TNIK: variants seen among roughly 807,000 people sequenced by gnomAD.
TNIK encodes TRAF2 and NCK-interacting protein kinase.
A neutral mutation model predicts 191.3 loss-of-function variants in TNIK; 49 were observed. The ratio of observed to expected loss-of-function variants is 0.26; its 90% CI spans 0.20 to 0.32. The LOEUF is 0.32. TNIK is among the 10% of genes least tolerant of loss of function. TNIK has a pLI of 1.00. For synonymous variants in TNIK, 594 were observed against 600.9 expected (o/e 0.99, Z 0.17); for missense variants, 1,155 against 1,702.3 (o/e 0.68, Z 5.66).
At chr3:171,272,127 C>A (rs752420795) in intron 2 of TNIK, among the ~76,000 whole-genome samples, 1 of 152,244 alleles carries the variant, frequency 6.6e-6, no homozygotes, top group Non-Finnish European at 1.5e-5. Flanking sequence ...GACAAACTAG[C>A]TTCCTCTGCT....
chr3:171,241,258 G>C (rs1377450118), intron 2 of TNIK, among the ~76,000 whole-genome samples: 1 of 151,926 alleles, frequency 6.6e-6, no homozygotes, highest in South Asian at 2.1e-4. Flanking sequence ...TCAAACTCCC[G>C]ACCTCAGGTG....
chr3:171,073,756 C>T (rs995711304), intron 28 of TNIK, among the ~76,000 whole-genome samples: 8 of 151,794 alleles, frequency 5.3e-5, no homozygotes, highest in Non-Finnish European at 1.0e-4. Flanking sequence ...TGAACAAATG[C>T]TCAATATCAC....
At chr3:171,300,814 CAT>C (rs1752801447) in intron 2 of TNIK, among the ~76,000 whole-genome samples, 2 of 152,258 alleles carry the variant, frequency 1.3e-5, no homozygotes, top group Admixed American at 1.3e-4. Context: ...GAATAGGACA[CAT>C]GTCTGTTCAA....
At chr3:171,309,163 T>C (rs900297699) in intron 2 of TNIK, among the ~76,000 whole-genome samples, 2 of 135,314 alleles carry the variant, frequency 1.5e-5, no homozygotes, top group African/African-American at 2.7e-5. Flanking sequence ...ATGCCCATCA[T>C]TGGTAGACTG....
At chr3:171,446,434 T>C (rs1421606064) in intron 1 of TNIK, among the ~76,000 whole-genome samples, 4 of 152,206 alleles carry the variant, frequency 2.6e-5, no homozygotes, top group Admixed American at 2.6e-4. Context: ...ATTTTTACCC[T>C]AGACATAAAT....
intron 3 of TNIK, among the ~76,000 whole-genome samples, chr3:171,225,098 C>T (rs1742807960): frequency 1.3e-5 from 2 of 152,200 alleles, no homozygotes; most frequent in South Asian, 4.2e-4. Flanking sequence ...CAAAGACGAC[C>T]TTTGAGAATT....
At chr3:171,144,523 A>G (rs538075546) in intron 12 of TNIK, among the ~76,000 whole-genome samples, 3 of 152,348 alleles carry the variant, frequency 2.0e-5, no homozygotes, top group Admixed American at 2.0e-4. Flanking sequence ...GGACATATTT[A>G]TGGGGTACAA....
chr3:171,455,427 G>C (rs534456619), intron 1 of TNIK, among the ~76,000 whole-genome samples: 117 of 148,608 alleles, frequency 7.9e-4, no homozygotes, highest in Admixed American at 5.4e-3. Context: ...TTTTTTTAGA[G>C]ATGGAGTCTC....
chr3:171,236,484 T>A (rs2109020168), intron 2 of TNIK, among the ~76,000 whole-genome samples: 1 of 152,246 alleles, frequency 6.6e-6, no homozygotes, highest in Admixed American at 6.5e-5. Context: ...ACATTAGCAT[T>A]CTGCATGTCA....
intron 2 of TNIK, among the ~76,000 whole-genome samples, chr3:171,282,508 A>AT (rs1212390048): frequency 6.6e-6 from 1 of 151,712 alleles, no homozygotes; most frequent in Non-Finnish European, 1.5e-5. Flanking sequence ...CGCCCAGCTA[A>AT]TTTTTTTGTA....
At chr3:171,272,607 T>A (rs1749248764) in intron 2 of TNIK, among the ~76,000 whole-genome samples, 1 of 152,256 alleles carries the variant, frequency 6.6e-6, no homozygotes, top group Admixed American at 6.5e-5. Flanking sequence ...TTTCTTCTAC[T>A]TGATCAATTC....
chr3:171,348,218 C>T (rs1347104478), intron 2 of TNIK, among the ~76,000 whole-genome samples: 2 of 152,132 alleles, frequency 1.3e-5, no homozygotes, highest in African/African-American at 2.4e-5. Flanking sequence ...CCCTGGGGCA[C>T]TCAGCTCTAT....
At chr3:171,289,102 G>C (rs1751388982) in intron 2 of TNIK, among the ~76,000 whole-genome samples, 1 of 152,114 alleles carries the variant, frequency 6.6e-6, no homozygotes, top group South Asian at 2.1e-4. Flanking sequence ...AGGCATAAGG[G>C]AAGCTTCACA....
chr3:171,250,676 T>G (rs139126264), intron 2 of TNIK, among the ~76,000 whole-genome samples: 44 of 152,326 alleles, frequency 2.9e-4, no homozygotes, highest in Middle Eastern at 3.4e-3. Context: ...TGTGTGACCA[T>G]GAGGAAATCA....
At chr3:171,384,478 T>A (rs1718464988) in intron 1 of TNIK, among the ~76,000 whole-genome samples, 1 of 152,228 alleles carries the variant, frequency 6.6e-6, no homozygotes, top group Non-Finnish European at 1.5e-5. Context: ...AACATTTTAA[T>A]AAGATTCCCA....
intron 1 of TNIK, among the ~76,000 whole-genome samples, chr3:171,370,423 A>T (rs1161435639): frequency 6.6e-6 from 1 of 152,246 alleles, no homozygotes; most frequent in Admixed American, 6.5e-5. Flanking sequence ...AATATCCAAA[A>T]TTACTGCTAT....
At chr3:171,264,930 G>T (rs184974874) in intron 2 of TNIK, among the ~76,000 whole-genome samples, 21 of 152,312 alleles carry the variant, frequency 1.4e-4, no homozygotes, top group Admixed American at 1.3e-3. Flanking sequence ...GGTAGTGGGT[G>T]GCGGGGCTCC....
At chr3:171,144,539 T>A (rs1213222682) in intron 12 of TNIK, among the ~76,000 whole-genome samples, 1 of 152,228 alleles carries the variant, frequency 6.6e-6, no homozygotes, top group Non-Finnish European at 1.5e-5. Context: ...TACAATGTGA[T>A]GTTTACATAC....
At chr3:171,389,962 C>G (rs965304318) in intron 1 of TNIK, among the ~76,000 whole-genome samples, 2 of 152,182 alleles carry the variant, frequency 1.3e-5, no homozygotes, top group East Asian at 3.8e-4. Flanking sequence ...GCACACAACC[C>G]CAAGAGGCAC....
Sources: allele counts gnomAD v4.1 joint callset (sites outside exome capture counted in the v4.1 genomes callset), GRCh38; gene constraint gnomAD v4.1.1; transcripts MANE v1.5; gene names NCBI Gene and HGNC (gene_info 2026-07-23, HGNC 2026-07-21).